The following MECOM variants were observed in gnomAD, a reference collection of about 807,000 sequenced individuals.
MECOM encodes the protein histone-lysine N-methyltransferase MECOM.
Under a neutral mutation model 116.3 loss-of-function variants are expected in MECOM, and 13 were observed. That is an observed-to-expected ratio of 0.11 (90% confidence interval 0.07 to 0.18). The LOEUF is 0.18. Ranked by LOEUF, MECOM falls within the 10% of genes least tolerant of loss-of-function variation. The pLI is 1.00. For synonymous variants in MECOM, 528 were observed against 535.2 expected (o/e 0.99, Z 0.19); for missense variants, 1,299 against 1,509.0 (o/e 0.86, Z 2.31).
In MECOM at chr3:169,191,691, AAG is replaced by A. The variant is rs569352766; in HGVS notation, c.376-47861_376-47860del. ...CAGAGAGAAAGAAGAAGGAAAGAAA[AAG>A]AGATAGAAAAGAAAGAAAGAAAGAA... On this transcript the variant is annotated intron_variant, in intron 2 of 16. Coordinates refer to ENST00000651503, the MANE Select transcript of MECOM (RefSeq NM_004991.4). Among the ~76,000 whole-genome samples, 668 of 131,974 alleles carry A rather than the reference AAG, an allele frequency of 5.1e-3. 8 individuals carry two copies. The highest frequency in any genetic ancestry group is 0.019 in the Middle Eastern group (5 of 270). The allele number at this position is 131,974 out of a possible 152,430, so 86.6% of individuals were successfully genotyped here.
chr3:169,426,100 A>T (rs1036666713), intron 1 of MECOM, among the ~76,000 whole-genome samples: 6 of 152,174 alleles, frequency 3.9e-5, no homozygotes, highest in Non-Finnish European at 7.3e-5. Flanking sequence ...AAATTAATGA[A>T]CAAAATGGCA....
chr3:169,382,943 C>T (rs1330188778), intron 1 of MECOM, among the ~76,000 whole-genome samples: 6 of 150,502 alleles, frequency 4.0e-5, no homozygotes, highest in African/African-American at 7.3e-5. Context: ...TGGATAACCA[C>T]GAGTTAAGGA....
At chr3:169,419,134 G>A (rs1739267969) in intron 1 of MECOM, among the ~76,000 whole-genome samples, 1 of 151,958 alleles carries the variant, frequency 6.6e-6, no homozygotes, top group Non-Finnish European at 1.5e-5. Flanking sequence ...ATGAGTGAAT[G>A]TCATTCATAA....
Position 169,489,443 on chromosome 3 carries a change from A to G in MECOM, c.38-107919T>C, listed in dbSNP as rs576360563. Among the ~76,000 whole-genome samples, 32 of 152,366 alleles carry G rather than the reference A, an allele frequency of 2.1e-4. No homozygotes were observed. The South Asian group carries it at 6.6e-3, about 32-fold the overall frequency. Reference sequence around the variant, plus strand: ...ATATGGAAGAATAAATGACTGAAACAATCTTGAGGAAGAGAAAGAGATTTG... The same window carrying G: ...ATATGGAAGAATAAATGACTGAAACGATCTTGAGGAAGAGAAAGAGATTTG... On this transcript the variant is annotated intron_variant, in intron 1 of 16. Transcript: ENST00000651503.
intron 1 of MECOM, among the ~76,000 whole-genome samples, chr3:169,619,663 G>C (rs1181569238): frequency 6.6e-6 from 1 of 151,960 alleles, no homozygotes; most frequent in East Asian, 1.9e-4. Flanking sequence ...AACTGAAGAC[G>C]GTAAATCAAG....
intron 2 of MECOM, among the ~76,000 whole-genome samples, chr3:169,342,056 T>C (rs1367092657): frequency 6.6e-6 from 1 of 152,070 alleles, no homozygotes; most frequent in Non-Finnish European, 1.5e-5. Flanking sequence ...CAAAATAGCA[T>C]GTTCTCAATA....
At position 169,116,425 on chromosome 3, in the gene MECOM, T is replaced by C. The variant is rs1439395070; in HGVS notation, c.1447A>G (p.Thr483Ala). Reference sequence around the variant, plus strand: ...AAGCTAAAAGAAAATCCAGGAGCTGTTGGAAAGGTAAGACCAGCAGGATGC... The same window carrying C: ...AAGCTAAAAGAAAATCCAGGAGCTGCTGGAAAGGTAAGACCAGCAGGATGC... ...NRHPAGLTFP[T>A]APGFSFSFPG... is the part of the protein sequence containing the mutation. The change falls in exon 8 of 17, where the codon ACA (threonine) becomes GCA (alanine). Residue 483 changes from threonine (T) to alanine (A), a missense_variant. Transcript: ENST00000651503. The C allele has an allele frequency of 1.9e-6, 3 of 1,613,996 alleles. No homozygotes were observed. Among genetic ancestry groups the C allele is most frequent in the African/African-American group, 1.3e-5 (1 of 74,902 alleles).
intron 2 of MECOM, among the ~76,000 whole-genome samples, chr3:169,365,964 G>A (rs1729087978): frequency 6.6e-6 from 1 of 152,032 alleles, no homozygotes; most frequent in Non-Finnish European, 1.5e-5. Context: ...CTAGCCAAGA[G>A]AAGCCTTAGT....
chr3:169,466,315 G>A (rs373831341), intron 1 of MECOM, among the ~76,000 whole-genome samples: 1 of 152,098 alleles, frequency 6.6e-6, no homozygotes, highest in African/African-American at 2.4e-5. Context: ...CCCTTAACTG[G>A]GGTGCTCCAA....
chr3:169,117,117 C>A (rs1051461411), intron 7 of MECOM, among the ~76,000 whole-genome samples: 1 of 152,054 alleles, frequency 6.6e-6, no homozygotes, highest in Non-Finnish European at 1.5e-5. Context: ...AAATGCATTA[C>A]GTACAAAACA....
In MECOM at chr3:169,542,198, T is replaced by C. The variant is rs568390774; in HGVS notation, c.37+121138A>G. On this transcript the variant is annotated intron_variant, in intron 1 of 16. Transcript: ENST00000651503. ...GTAAAATATTAAATATACTCTTTTTTAAAATATTTACCAGTTAAACACTAA... is the reference window on the plus strand; with the variant it reads ...GTAAAATATTAAATATACTCTTTTTCAAAATATTTACCAGTTAAACACTAA... Among the ~76,000 whole-genome samples the C allele has an allele frequency of 2.6e-5, 4 of 152,314 alleles. No homozygotes were observed. In the East Asian group the frequency reaches 7.7e-4, roughly 29 times the overall value.
intron 1 of MECOM, among the ~76,000 whole-genome samples, chr3:169,388,669 T>C (rs1019174992): frequency 1.3e-5 from 2 of 152,176 alleles, no homozygotes; most frequent in African/African-American, 4.8e-5. Context: ...CATGTCCTGC[T>C]CCAGAGGGGA....
At chr3:169,320,058 A>T (rs1008370767) in intron 2 of MECOM, among the ~76,000 whole-genome samples, 2 of 152,230 alleles carry the variant, frequency 1.3e-5, no homozygotes. Context: ...CTAGAGAAAT[A>T]ATAGTAGATA....
At chr3:169,450,675 C>CAG (rs776421756) in intron 1 of MECOM, among the ~76,000 whole-genome samples, 37 of 152,198 alleles carry the variant, frequency 2.4e-4, no homozygotes, top group Non-Finnish European at 4.1e-4. Flanking sequence ...TTCTTTACCT[C>CAG]AGAGAGAGAG....
chr3:169,481,122 A>G (rs1751219184), intron 1 of MECOM, among the ~76,000 whole-genome samples: 1 of 152,212 alleles, frequency 6.6e-6, no homozygotes, highest in South Asian at 2.1e-4. Context: ...GACAGAAAAC[A>G]TCGGTTAAAA....
At chr3:169,441,977 G>C (rs1028677506) in intron 1 of MECOM, among the ~76,000 whole-genome samples, 1 of 152,064 alleles carries the variant, frequency 6.6e-6, no homozygotes, top group Non-Finnish European at 1.5e-5. Flanking sequence ...CCAGGCCGGA[G>C]TGCAGTGGCA....
intron 1 of MECOM, among the ~76,000 whole-genome samples, chr3:169,415,398 AG>A (rs1738381694): frequency 6.6e-6 from 1 of 152,240 alleles, no homozygotes; most frequent in Non-Finnish European, 1.5e-5. Context: ...AAATATAGAA[AG>A]AAAAAACTGG....
intron 1 of MECOM, among the ~76,000 whole-genome samples, chr3:169,656,280 C>A (rs1775534341): frequency 6.6e-6 from 1 of 152,024 alleles, no homozygotes; most frequent in South Asian, 2.1e-4. Context: ...AGTTAATGAC[C>A]CCTACACACA....
rs1769262176 is a variant in MECOM, at chr3:169,611,417, C to A, written c.37+51919G>T. Among the ~76,000 whole-genome samples the A allele has an allele frequency of 6.6e-6, 1 of 152,178 alleles. No individual in the cohort carries two copies. The highest frequency in any genetic ancestry group is 2.1e-4 in the South Asian group (1 of 4,822). ...ACACATTTTGTCCCCCTAACCCTGTCTTTTCTGAGGGTGCATCAATGTCTG... is the reference window on the plus strand; with the variant it reads ...ACACATTTTGTCCCCCTAACCCTGTATTTTCTGAGGGTGCATCAATGTCTG... On this transcript the variant is annotated intron_variant, in intron 1 of 16. Transcript: ENST00000651503. The surrounding 1 kb of genome is among the most constrained non-coding windows in gnomAD (Gnocchi z 4.1).
Sources: allele counts gnomAD v4.1 joint callset (sites outside exome capture counted in the v4.1 genomes callset), GRCh38; gene constraint gnomAD v4.1.1; non-coding constraint Gnocchi (gnomAD v3.1); transcripts MANE v1.5; gene names NCBI Gene and HGNC (gene_info 2026-07-23, HGNC 2026-07-21).